RANBP2: variants seen among roughly 807,000 people sequenced by gnomAD.
RANBP2 encodes E3 SUMO-protein ligase RanBP2.
A neutral mutation model predicts 303.6 loss-of-function variants in RANBP2; 57 were observed. The ratio of observed to expected loss-of-function variants is 0.19; its 90% CI spans 0.15 to 0.23. RANBP2 has a LOEUF of 0.23. Among genes scored for constraint, RANBP2 ranks in the 10% least tolerant of loss-of-function variants. The pLI, the probability that RANBP2 is intolerant of heterozygous loss-of-function variation, is 1.00. For missense variants in RANBP2, 3,138 were observed against 3,780.8 expected, an observed-to-expected ratio of 0.83 and a Z score of 4.46; for synonymous variants, 1,167 against 1,301.5, an observed-to-expected ratio of 0.90 and a Z score of 2.23.
the RANBP2 span, among the ~76,000 whole-genome samples, chr2:109,160,140 C>G: frequency 6.6e-6 from 1 of 152,038 alleles, no homozygotes; most frequent in Non-Finnish European, 1.5e-5. Flanking sequence ...CAGACCTGGG[C>G]CAGGATCTGC....
the RANBP2 span, among the ~76,000 whole-genome samples, chr2:109,175,263 C>T: frequency 6.6e-6 from 1 of 152,190 alleles, no homozygotes; most frequent in Non-Finnish European, 1.5e-5. Context: ...ACTTGTACTT[C>T]ATCCTTTCCC....
chr2:108,981,119 T>C, the RANBP2 span, among the ~76,000 whole-genome samples: 7 of 152,088 alleles, frequency 4.6e-5, no homozygotes, highest in African/African-American at 1.7e-4. Context: ...GAAATCCACA[T>C]AATATTCCCA....
At chr2:109,458,601 A>AGAGAGAGAGAGAGAGAGAGAGAGAG in the RANBP2 span, among the ~76,000 whole-genome samples, 243 of 148,834 alleles carry the variant, frequency 1.6e-3, no homozygotes, top group South Asian at 3.2e-3. Context: ...AGAGAGAGAG[A>AGAGAGAGAGAGAGAGAGAGAGAGAG]ATTTATTTAT....
chr2:109,433,938 G>GC, the RANBP2 span, among the ~76,000 whole-genome samples: 1 of 152,228 alleles, frequency 6.6e-6, no homozygotes, highest in Non-Finnish European at 1.5e-5. Flanking sequence ...AGGGTGAGCT[G>GC]CCCACAGCCT....
chr2:109,039,264 GT>G, the RANBP2 span, among the ~76,000 whole-genome samples: 1 of 152,200 alleles, frequency 6.6e-6, no homozygotes, highest in Non-Finnish European at 1.5e-5. Context: ...TTCCACGAAG[GT>G]GTGAGCCAAT....
chr2:109,059,370 C>T, the RANBP2 span, among the ~76,000 whole-genome samples: 1 of 152,006 alleles, frequency 6.6e-6, no homozygotes, highest in African/African-American at 2.4e-5. Context: ...GGTCAGGAGA[C>T]CAAGACCATC....
chr2:108,720,652 A>T (rs1694161317), intron 1 of RANBP2, among the ~76,000 whole-genome samples: 1 of 152,230 alleles, frequency 6.6e-6, no homozygotes, highest in African/African-American at 2.4e-5. Flanking sequence ...GAGTTGTAAC[A>T]TTAATAGAAT....
At chr2:108,755,837 C>T (rs1676270464) in intron 17 of RANBP2, among the ~76,000 whole-genome samples, 1 of 150,610 alleles carries the variant, frequency 6.6e-6, no homozygotes, top group Non-Finnish European at 1.5e-5. Context: ...GACTCTCCTG[C>T]CTCAGCCTCC....
the RANBP2 span, among the ~76,000 whole-genome samples, chr2:109,070,859 A>T: frequency 9.7e-4 from 1 of 1,028 alleles, no homozygotes; most frequent in Non-Finnish European, 3.6e-3. Flanking sequence ...GACCCTATCT[A>T]AAAAAAAAAA....
At chr2:109,432,540 C>T in the RANBP2 span, 73 of 1,613,524 alleles carry the variant, frequency 4.5e-5, no homozygotes, top group East Asian at 1.3e-4. Context: ...AGAAGAGTGA[C>T]GAGCTGGAGC....
the RANBP2 span, chr2:109,760,446 G>A: frequency 1.0e-6 from 1 of 970,702 alleles, no homozygotes; most frequent in Non-Finnish European, 1.2e-6. Context: ...GCCGGGGGCG[G>A]CGGCGGCGGC....
At chr2:109,077,522 C>T in the RANBP2 span, among the ~76,000 whole-genome samples, 2 of 137,772 alleles carry the variant, frequency 1.5e-5, no homozygotes, top group East Asian at 3.9e-4. Flanking sequence ...AATGAAAAAG[C>T]AACCAACAGA....
the RANBP2 span, among the ~76,000 whole-genome samples, chr2:108,958,475 GA>G: frequency 2.3e-4 from 35 of 152,128 alleles, no homozygotes; most frequent in Non-Finnish European, 4.3e-4. Flanking sequence ...AGCTGAGGCA[GA>G]AGGCTCACAA....
chr2:109,399,455 T>G, the RANBP2 span, among the ~76,000 whole-genome samples: 1 of 152,096 alleles, frequency 6.6e-6, no homozygotes, highest in African/African-American at 2.4e-5. Flanking sequence ...CTAGTTTTTT[T>G]TTTTTGTAAA....
chr2:109,203,475 T>A, the RANBP2 span, among the ~76,000 whole-genome samples: 1 of 152,174 alleles, frequency 6.6e-6, no homozygotes, highest in Non-Finnish European at 1.5e-5. Context: ...AGTCGCTTCT[T>A]AGTTCCTAAG....
chr2:109,388,114 C>G, the RANBP2 span, among the ~76,000 whole-genome samples: 1 of 152,162 alleles, frequency 6.6e-6, no homozygotes, highest in Non-Finnish European at 1.5e-5. Flanking sequence ...CACCATCCTA[C>G]GCCTGCCCAC....
chr2:109,166,152 G>A, the RANBP2 span, among the ~76,000 whole-genome samples: 1 of 152,126 alleles, frequency 6.6e-6, no homozygotes. Context: ...TCTTAATATG[G>A]TTGGCTTTTT....
At chr2:109,102,934 G>A in the RANBP2 span, among the ~76,000 whole-genome samples, 2 of 152,208 alleles carry the variant, frequency 1.3e-5, no homozygotes, top group Admixed American at 1.3e-4. Context: ...ATGGGTGAGA[G>A]GAGCGGATTG....
the RANBP2 span, among the ~76,000 whole-genome samples, chr2:109,058,293 C>T: frequency 6.6e-6 from 1 of 152,190 alleles, no homozygotes; most frequent in Non-Finnish European, 1.5e-5. Flanking sequence ...TACTGACTTC[C>T]CAGCCAGCTA....
Sources: gnomAD v4.1 joint callset for allele counts (sites outside exome capture counted in the v4.1 genomes callset) on GRCh38, gnomAD v4.1.1 for gene constraint, MANE v1.5 for transcripts, NCBI Gene and HGNC (gene_info 2026-07-23, HGNC 2026-07-21) for gene names.